The following TNPO3 variants were observed in gnomAD, a reference collection of about 807,000 sequenced individuals.
TNPO3 encodes transportin-3.
In TNPO3, 65 loss-of-function variants were observed where a neutral mutation model predicts 122.8. The observed-to-expected ratio is 0.53, with a 90% CI of 0.43 to 0.65. The LOEUF (loss-of-function observed/expected upper bound fraction) is 0.65, where lower values mean the gene tolerates loss of function less well. Ranked by LOEUF, TNPO3 falls within the 30% of genes least tolerant of loss-of-function variation. TNPO3 has a pLI of 0.00. For missense variants in TNPO3, 850 were observed against 1,136.7 expected, an observed-to-expected ratio of 0.75 and a Z score of 3.63; for synonymous variants, 372 against 411.2, an observed-to-expected ratio of 0.90 and a Z score of 1.15.
intron 18 of TNPO3, among the ~76,000 whole-genome samples, chr7:128,972,901 G>A (rs1798634663): frequency 6.6e-6 from 1 of 152,098 alleles, no homozygotes; most frequent in African/African-American, 2.4e-5. Context: ...GTATTACTCT[G>A]GTGGGGGATG....
intron 3 of TNPO3, among the ~76,000 whole-genome samples, chr7:129,015,593 G>A (rs905399476): frequency 6.6e-6 from 1 of 152,198 alleles, no homozygotes; most frequent in Non-Finnish European, 1.5e-5. Context: ...CCAGCACTTT[G>A]GGAGGCCAAG....
At chr7:129,051,241 A>C (rs1180870422) in intron 1 of TNPO3, among the ~76,000 whole-genome samples, 1 of 152,226 alleles carries the variant, frequency 6.6e-6, no homozygotes, top group Non-Finnish European at 1.5e-5. Context: ...AAAACTACAT[A>C]AAGATTTCAA....
chr7:128,970,126 T>C (rs368906042), intron 20 of TNPO3, 22 bp downstream of exon 20: 3 of 1,613,924 alleles, frequency 1.9e-6, no homozygotes, highest in Non-Finnish European at 2.5e-6. Context: ...ATGAGATAAA[T>C]TCCTCATGAA....
intron 1 of TNPO3, among the ~76,000 whole-genome samples, chr7:129,038,855 C>T (rs536018927): frequency 3.0e-4 from 45 of 152,080 alleles, no homozygotes; most frequent in Non-Finnish European, 5.7e-4. Context: ...GGGAGAGGAT[C>T]GGAAAAAATA....
At chr7:128,982,189 T>C (rs2150325152) in intron 14 of TNPO3, 59 bp downstream of exon 14, 10 of 1,446,972 alleles carry the variant, frequency 6.9e-6, no homozygotes, top group Middle Eastern at 3.5e-4. Flanking sequence ...TACTTCAATA[T>C]ACAATGGTTT....
chr7:129,024,877 C>T (rs1412190805), intron 1 of TNPO3, among the ~76,000 whole-genome samples: 1 of 151,996 alleles, frequency 6.6e-6, no homozygotes, highest in East Asian at 1.9e-4. Context: ...GTGGCATGCC[C>T]CTTAGTCCCA....
At chr7:128,980,099 C>A in intron 14 of TNPO3, 68 bp from the exon 15 acceptor site, 1 of 1,363,736 alleles carries the variant, frequency 7.3e-7, no homozygotes, top group Non-Finnish European at 1.1e-6. Context: ...GAGCCCTGAT[C>A]CCTGCTTGCT....
chr7:128,987,592 G>GT (rs1342653253), intron 11 of TNPO3, among the ~76,000 whole-genome samples: 1 of 151,942 alleles, frequency 6.6e-6, no homozygotes, highest in Non-Finnish European at 1.5e-5. Context: ...ACCATATATT[G>GT]TTTTTGGGGA....
intron 1 of TNPO3, chr7:129,041,458 T>C (rs535132633): frequency 7.8e-6 from 6 of 774,128 alleles, no homozygotes; most frequent in East Asian, 1.3e-4. Flanking sequence ...ACATTGCTCA[T>C]TGTTCTTCCC....
At chr7:129,017,921 C>A (rs1409767957) in intron 2 of TNPO3, 36 bp downstream of exon 2, 2 of 1,595,448 alleles carry the variant, frequency 1.3e-6, no homozygotes, top group Non-Finnish European at 1.7e-6. Context: ...TCCAAATGGC[C>A]ATACAAATTT....
At chr7:128,958,968 C>T (rs1426890284) in intron 21 of TNPO3, among the ~76,000 whole-genome samples, 4 of 152,208 alleles carry the variant, frequency 2.6e-5, no homozygotes, top group Admixed American at 2.6e-4. Flanking sequence ...TGTGCCACTG[C>T]ACTCCAGGCT....
intron 4 of TNPO3, among the ~76,000 whole-genome samples, chr7:129,010,170 AATT>A (rs774165311): frequency 3.3e-5 from 5 of 152,120 alleles, no homozygotes; most frequent in Non-Finnish European, 7.4e-5. Flanking sequence ...CCCATGATGA[AATT>A]ATTATTATTT....
At chr7:129,019,082 T>TC (rs367707745) in intron 1 of TNPO3, among the ~76,000 whole-genome samples, 29 of 152,216 alleles carry the variant, frequency 1.9e-4, no homozygotes, top group African/African-American at 6.8e-4. Context: ...TGAAATCATT[T>TC]TCAATGGAAA....
rs568639918 is a variant in TNPO3, at chr7:128,970,413, AGTGT to A, written c.2431-102_2431-99del. Reference sequence around the variant, plus strand: ...TTTAGTAATTTCTCTTTAATAGGAAAGTGTGTGTGTGTGTGCACGCGTGGCTGTG... The same window carrying A: ...TTTAGTAATTTCTCTTTAATAGGAAAGTGTGTGTGTGCACGCGTGGCTGTG... On this transcript the variant is annotated intron_variant, in intron 19 of 22. Transcript: ENST00000265388. 1.1e-5 allele frequency: 13 copies of A among 1,187,202 alleles called. 1 individual carries two copies. Among genetic ancestry groups the A allele is most frequent in the Non-Finnish European group, 1.5e-5 (13 of 856,724 alleles). The allele number at this position is 1,187,202 out of a possible 1,614,324, so 73.5% of individuals were successfully genotyped here.
At chr7:129,003,553 T>C (rs1456192254) in intron 5 of TNPO3, among the ~76,000 whole-genome samples, 1 of 151,878 alleles carries the variant, frequency 6.6e-6, no homozygotes, top group Admixed American at 6.6e-5. Flanking sequence ...ATATCCCAGC[T>C]ACTTGGGAGG....
At chr7:128,994,747 C>T (rs1333744101) in intron 8 of TNPO3, among the ~76,000 whole-genome samples, 5 of 152,158 alleles carry the variant, frequency 3.3e-5, no homozygotes, top group Non-Finnish European at 7.3e-5. Context: ...CAGCCTTGAC[C>T]TCCTGGGCTT....
intron 1 of TNPO3, chr7:129,030,481 T>C (rs531568045): frequency 1.3e-5 from 2 of 152,960 alleles, no homozygotes; most frequent in Non-Finnish European, 2.9e-5. Context: ...CTTGGGAAAA[T>C]AGAATGAAAC....
intron 1 of TNPO3, among the ~76,000 whole-genome samples, chr7:129,035,390 G>A (rs1563110345): frequency 6.6e-6 from 1 of 152,164 alleles, no homozygotes. Context: ...ATCACTTGAA[G>A]CTAGGAGCTC....
chr7:128,962,227 C>T (rs185047422), intron 21 of TNPO3, among the ~76,000 whole-genome samples: 2,049 of 151,800 alleles, frequency 0.013, 32 homozygotes, highest in African/African-American at 0.047. Flanking sequence ...TAGCCGGGCG[C>T]GGTGGCGGGT....
Sources: allele counts gnomAD v4.1 joint callset (sites outside exome capture counted in the v4.1 genomes callset), GRCh38; gene constraint gnomAD v4.1.1; transcripts MANE v1.5; gene names NCBI Gene and HGNC (gene_info 2026-07-23, HGNC 2026-07-21).